FMN2: variants seen among roughly 807,000 people sequenced by gnomAD.
FMN2 encodes the protein formin 2.
A neutral mutation model predicts 142.3 loss-of-function variants in FMN2; 51 were observed. That is an observed-to-expected ratio of 0.36 (90% CI 0.29 to 0.45). The LOEUF (loss-of-function observed/expected upper bound fraction) is 0.45. Among genes scored for constraint, FMN2 ranks in the 20% least tolerant of loss-of-function variants. The pLI is 1.00. For missense variants in FMN2, 1,936 were observed against 2,122.8 expected, an observed-to-expected ratio of 0.91 and a Z score of 1.73; for synonymous variants, 882 against 869.8, an observed-to-expected ratio of 1.01 and a Z score of -0.25.
rs188267166 is a variant in FMN2 at position 240,113,206 on chromosome 1, C to T, written c.1616-9973C>T. On this transcript the variant is annotated intron_variant, in intron 1 of 17. Transcript: ENST00000319653. ...ACTGTGGTCATGGGGTGTGAAAGCC[C>T]GTGTCAGAGGGAACCGGGAAGCCTC... 2.6e-5 allele frequency among the ~76,000 whole-genome samples: 4 copies of T among 151,992 alleles called. No individual in the cohort carries two copies. In the East Asian group the frequency reaches 7.8e-4, roughly 30 times the overall value.
At position 240,142,501 on chromosome 1, in the gene FMN2, T is replaced by TTATATA. The variant is rs1164646678; in HGVS notation, c.1782+19157_1782+19158insATATAT. Among the ~76,000 whole-genome samples, 436 of 78,674 alleles carry TTATATA rather than the reference T, an allele frequency of 5.5e-3. 4 individuals carry two copies. Among genetic ancestry groups the TTATATA allele is most frequent in the South Asian group, 0.045 (125 of 2,778 alleles). The allele number at this position is 78,674 out of a possible 152,430, so 51.6% of individuals were successfully genotyped here. On this transcript the variant is annotated intron_variant, in intron 2 of 17. Coordinates refer to ENST00000319653, the MANE Select transcript of FMN2 (RefSeq NM_020066.5). The stretch of plus-strand genomic sequence containing the variant: ...TATTTATTTATTTATTTATTTATAT[T>TTATATA]TTTTGGGGGGGGATAAAGGTCTTTA...
intron 4 of FMN2, among the ~76,000 whole-genome samples, chr1:240,194,268 G>A (rs1314811186): frequency 6.6e-6 from 1 of 152,164 alleles, no homozygotes; most frequent in Admixed American, 6.5e-5. Flanking sequence ...TACCATAGTG[G>A]TTGAGGATCT....
In FMN2 at chr1:240,211,158, G is replaced by A. The variant is rs757963399; in HGVS notation, c.3988G>A (p.Glu1330Lys). 6.2e-7 allele frequency: 1 copy of A among 1,613,460 alleles called. No homozygotes were observed. Among genetic ancestry groups the A allele is most frequent in the Non-Finnish European group, 8.5e-7 (1 of 1,179,718 alleles). Residue 1330 changes from glutamate (E) to lysine (K), a missense_variant, in exon 6 of 18, where the codon GAA becomes AAA. Glu to Lys is a moderately conservative substitution (Grantham distance 56). Around this residue, in one of 8 missense-constraint regions of FMN2, gnomAD observed 259 missense variants for 230.9 expected, o/e 1.12. Transcript: ENST00000319653. ...ATCCATAGATTGTCATGAATTTGAGGAATTATTTTCTAAAACTGCTGTAAA... is the reference window on the plus strand; with the variant it reads ...ATCCATAGATTGTCATGAATTTGAGAAATTATTTTCTAAAACTGCTGTAAA... ...EPSIDCHEFE[E>K]LFSKTAVKER...
At chr1:240,456,574 A>G (rs1400998309) in intron 16 of FMN2, among the ~76,000 whole-genome samples, 2 of 152,170 alleles carry the variant, frequency 1.3e-5, no homozygotes, top group African/African-American at 4.8e-5. Context: ...CTCCTGCCTC[A>G]GCGTCCCCAG....
chr1:240,321,614 C>G (rs1463099453), intron 8 of FMN2, among the ~76,000 whole-genome samples: 1 of 152,164 alleles, frequency 6.6e-6, no homozygotes, highest in Non-Finnish European at 1.5e-5. Context: ...TAAAGATTAT[C>G]TACACTTATC....
At position 240,275,379 on chromosome 1, in the gene FMN2, G is replaced by A. The variant is rs541415987; in HGVS notation, c.4153+17347G>A. ...CCTGTGGTAGTTTGCTGAGAATGAT[G>A]GTTTCCAGCTTCATCCATGTCCCTG... On this transcript the variant is annotated intron_variant, in intron 7 of 17. Transcript: ENST00000319653. 1.6e-4 allele frequency among the ~76,000 whole-genome samples: 24 copies of A among 152,052 alleles called. 1 individual carries two copies. In the East Asian group the frequency reaches 3.9e-3, roughly 25 times the overall value.
intron 8 of FMN2, among the ~76,000 whole-genome samples, chr1:240,302,063 A>G (rs1227419049): frequency 6.6e-6 from 1 of 151,096 alleles, no homozygotes; most frequent in Non-Finnish European, 1.5e-5. Context: ...ATTTTCCATC[A>G]TTTTTTTCTT....
chr1:240,421,791 C>T (rs944684838), intron 15 of FMN2, among the ~76,000 whole-genome samples: 5 of 151,968 alleles, frequency 3.3e-5, no homozygotes, highest in East Asian at 3.9e-4. Flanking sequence ...AGATCCTCTT[C>T]CAATTTGATG....
At chr1:240,452,484 A>G (rs1676095189) in intron 16 of FMN2, among the ~76,000 whole-genome samples, 2 of 152,124 alleles carry the variant, frequency 1.3e-5, no homozygotes, top group South Asian at 4.1e-4. Flanking sequence ...CAAAAATTTT[A>G]TCAGAAATAA....
chr1:240,148,227 GAC>G (rs1395743388), intron 2 of FMN2, among the ~76,000 whole-genome samples: 13 of 48,274 alleles, frequency 2.7e-4, no homozygotes, highest in Middle Eastern at 0.014. Context: ...GAGACAGAGA[GAC>G]AGAGACCGAG....
intron 8 of FMN2, among the ~76,000 whole-genome samples, chr1:240,306,008 G>A (rs1670381179): frequency 6.7e-6 from 1 of 149,554 alleles, no homozygotes; most frequent in Non-Finnish European, 1.5e-5. Context: ...GGAGTGCGGT[G>A]ACGTGATCTC....
intron 15 of FMN2, among the ~76,000 whole-genome samples, chr1:240,418,657 G>T (rs555766408): frequency 1.2e-4 from 18 of 152,146 alleles, no homozygotes; most frequent in Non-Finnish European, 2.4e-4. Context: ...TTTGAGATTT[G>T]CTGTATGGTC....
chr1:240,163,817 T>C (rs1664375875), intron 2 of FMN2, among the ~76,000 whole-genome samples: 1 of 152,002 alleles, frequency 6.6e-6, no homozygotes, highest in South Asian at 2.1e-4. Context: ...ACTATTTAAT[T>C]GTTCTCTCTG....
intron 8 of FMN2, among the ~76,000 whole-genome samples, chr1:240,305,409 G>A (rs1412174993): frequency 6.6e-6 from 1 of 152,078 alleles, no homozygotes; most frequent in Non-Finnish European, 1.5e-5. Context: ...TTTCAAACTG[G>A]GTTCAGTGAA....
Position 240,093,327 on chromosome 1 carries a change from C to CTGT in FMN2, c.1220_1222dup (p.Cys407dup). 6.2e-7 allele frequency: 1 copy of CTGT among 1,612,224 alleles called. No homozygotes were observed. On this transcript the variant is annotated inframe_insertion, in exon 1 of 18. Transcript: ENST00000319653. ...CCGGCAGCCCCGCGCCTAGCCAGCGCTGTTTCAAGCCCTACCCGCTCATCA... is the reference window on the plus strand; with the variant it reads ...CCGGCAGCCCCGCGCCTAGCCAGCGCTGTTGTTTCAAGCCCTACCCGCTCATCA...
chr1:240,372,897 T>C (rs967092110), intron 14 of FMN2, among the ~76,000 whole-genome samples: 6 of 152,184 alleles, frequency 3.9e-5, no homozygotes, highest in Non-Finnish European at 8.8e-5. Context: ...TTAAAAATGC[T>C]AACAATCGGC....
At chr1:240,301,575 T>G (rs926174274) in intron 8 of FMN2, among the ~76,000 whole-genome samples, 1 of 151,900 alleles carries the variant, frequency 6.6e-6, no homozygotes, top group Non-Finnish European at 1.5e-5. Flanking sequence ...CTTAATTTTC[T>G]TTCATCTTAG....
chr1:240,114,387 T>G (rs1350071604), intron 1 of FMN2, among the ~76,000 whole-genome samples: 1 of 152,144 alleles, frequency 6.6e-6, no homozygotes, highest in South Asian at 2.1e-4. Context: ...TTTCTTTTGT[T>G]CCAGAGGCTG....
intron 2 of FMN2, chr1:240,144,942 C>A: frequency 7.8e-7 from 1 of 1,288,644 alleles, no homozygotes; most frequent in Non-Finnish European, 1.1e-6. Flanking sequence ...TGGGAGCCTA[C>A]TAGCCGATAC....
Sources: gnomAD v4.1 joint callset for allele counts (sites outside exome capture counted in the v4.1 genomes callset) on GRCh38, gnomAD v4.1.1 for gene constraint, gnomAD v4.1.1 regional missense constraint, MANE v1.5 for transcripts, NCBI Gene and HGNC (gene_info 2026-07-23, HGNC 2026-07-21) for gene names.